Variants in PMFBP1 observed in about 807,000 individuals in gnomAD.
The protein encoded by PMFBP1 is polyamine modulated factor 1 binding protein 1.
In PMFBP1, 131 loss-of-function variants were observed where a neutral mutation model predicts 137.8. The ratio of observed to expected loss-of-function variants is 0.95; its 90% confidence interval spans 0.82 to 1.10. PMFBP1 has a LOEUF of 1.10. Ranked by LOEUF, PMFBP1 falls within the 50% of genes least tolerant of loss-of-function variation. The pLI is 0.00. For missense variants in PMFBP1, 1,199 were observed against 1,175.4 expected, an observed-to-expected ratio of 1.02 and a Z score of -0.29; for synonymous variants, 490 against 450.4, an observed-to-expected ratio of 1.09 and a Z score of -1.11.
the PMFBP1 span, among the ~76,000 whole-genome samples, chr16:72,229,858 G>T: frequency 6.6e-6 from 1 of 152,110 alleles, no homozygotes; most frequent in Admixed American, 6.6e-5. Context: ...TGCGGTGCCT[G>T]ATTTGAGATA....
chr16:72,117,727 GTGT>G (rs35942401), downstream of PMFBP1, among the ~76,000 whole-genome samples: 53,181 of 151,906 alleles, frequency 0.35, 9,434 homozygotes, highest in Middle Eastern at 0.47. Flanking sequence ...TCATAAAAGA[GTGT>G]TGTTGTAACC....
chr16:72,165,612 G>T (rs889181674), intron 2 of PMFBP1, among the ~76,000 whole-genome samples: 2 of 151,968 alleles, frequency 1.3e-5, no homozygotes, highest in Non-Finnish European at 2.9e-5. Flanking sequence ...TAGAGACAGG[G>T]TTTCACAGTT....
chr16:72,235,004 C>T, the PMFBP1 span, among the ~76,000 whole-genome samples: 1 of 152,032 alleles, frequency 6.6e-6, no homozygotes, highest in African/African-American at 2.4e-5. Flanking sequence ...GTACTTTCAC[C>T]TTCTTGATGG....
upstream of PMFBP1, among the ~76,000 whole-genome samples, chr16:72,179,128 G>A (rs189372946): frequency 2.0e-5 from 3 of 152,140 alleles, no homozygotes; most frequent in Admixed American, 2.0e-4. Context: ...CAACAAAAAA[G>A]TCAAGGACTT....
the PMFBP1 span, among the ~76,000 whole-genome samples, chr16:72,200,677 G>A: frequency 3.9e-5 from 6 of 152,306 alleles, no homozygotes; most frequent in East Asian, 5.8e-4. Flanking sequence ...TATTATGTTC[G>A]TTAATCTATA....
At position 72,125,401 on chromosome 16, in the gene PMFBP1, T is replaced by C. The variant is rs1259299961; in HGVS notation, c.2258A>G (p.Asn753Ser). ...DDLTQALEKL[N>S]HVTSETKSLQ... ...GCTCTTTGTCTCTGAGGTCACGTGA[T>C]TGAGCTTCCGGAAAAGACAAAGAGG... Residue 753 changes from asparagine (N) to serine (S), a missense_variant, in exon 16 of 21, where the codon AAT becomes AGT. Transcript: ENST00000237353. 10 of 1,608,688 alleles carry C rather than the reference T, an allele frequency of 6.2e-6. No homozygotes were observed. The highest frequency in any genetic ancestry group is 4.0e-5 in the African/African-American group (3 of 74,160).
At position 72,130,363 on chromosome 16, in the gene PMFBP1, G is replaced by C. The variant is rs755640334; in HGVS notation, c.1638-6C>G. 2.0e-5 allele frequency: 32 copies of C among 1,614,008 alleles called. No individual in the cohort carries two copies. The highest frequency in any genetic ancestry group is 2.6e-5 in the Non-Finnish European group (31 of 1,180,006). On this transcript the variant is annotated splice_polypyrimidine_tract_variant and splice_region_variant and intron_variant, in intron 11 of 20. Transcript: ENST00000237353. ...ACAGCTCCTCCACCCGTTTTCTAAA[G>C]CAAAATAACAGCCACAGGAGGACAG...
intron 3 of PMFBP1, chr16:72,164,430 C>T (rs1482975327): frequency 7.5e-7 from 1 of 1,333,874 alleles, no homozygotes; most frequent in Non-Finnish European, 9.8e-7. Flanking sequence ...GTCTGAGATC[C>T]ATAGCAGACG....
chr16:72,131,470 T>C (rs146389551), intron 10 of PMFBP1, among the ~76,000 whole-genome samples: 28 of 152,300 alleles, frequency 1.8e-4, no homozygotes, highest in African/African-American at 6.3e-4. Flanking sequence ...TCCAGCAATA[T>C]CCTTCTAGCC....
the PMFBP1 span, among the ~76,000 whole-genome samples, chr16:72,239,619 C>T: frequency 2.6e-5 from 4 of 151,862 alleles, no homozygotes; most frequent in East Asian, 1.9e-4. Context: ...GTTGGCTGGG[C>T]GCAGTGGCTT....
intron 15 of PMFBP1, 121 bp downstream of exon 15, chr16:72,125,847 A>G (rs1389354449): frequency 7.9e-7 from 1 of 1,261,384 alleles, no homozygotes. Flanking sequence ...CAGCCCACAC[A>G]AGGGTTTGAG....
intron 3 of PMFBP1, among the ~76,000 whole-genome samples, chr16:72,160,662 G>C (rs1026779899): frequency 2.6e-5 from 4 of 151,296 alleles, no homozygotes; most frequent in African/African-American, 9.7e-5. Context: ...CTTAAGACTT[G>C]GATACATCAA....
In PMFBP1 at chr16:72,119,303, C is replaced by T. The variant is rs184474711; in HGVS notation, c.*35G>A. On this transcript the variant is annotated 3_prime_UTR_variant, in exon 21 of 21. Transcript: ENST00000237353. ...GAACTCACTGTCCTCTGAAGAAACA[C>T]CCGTGGAAATGCTGCTCAGGGCTAG... 1.0e-3 allele frequency: 1,611 copies of T among 1,605,766 alleles called. 2 individuals carry two copies. Among genetic ancestry groups the T allele is most frequent in the Non-Finnish European group, 1.3e-3 (1,512 of 1,172,476 alleles).
intron 5 of PMFBP1, among the ~76,000 whole-genome samples, chr16:72,145,369 C>T (rs1361274101): frequency 6.6e-6 from 1 of 152,118 alleles, no homozygotes; most frequent in Non-Finnish European, 1.5e-5. Flanking sequence ...ATCTCTGGGA[C>T]ACATTTAAAG....
the PMFBP1 span, among the ~76,000 whole-genome samples, chr16:72,199,775 T>C: frequency 2.0e-5 from 3 of 151,156 alleles, no homozygotes; most frequent in East Asian, 2.0e-4. Context: ...GAGGGGGGAA[T>C]GTAGTTGCAA....
At chr16:72,161,201 G>A (rs370795812) in intron 3 of PMFBP1, among the ~76,000 whole-genome samples, 3 of 150,618 alleles carry the variant, frequency 2.0e-5, no homozygotes, top group African/African-American at 4.9e-5. Context: ...GGATTCAAGC[G>A]ATTTTCTTGC....
chr16:72,244,207 A>C, the PMFBP1 span, among the ~76,000 whole-genome samples: 1 of 152,286 alleles, frequency 6.6e-6, no homozygotes, highest in South Asian at 2.1e-4. Context: ...TCAAATGAAA[A>C]ATACTTATTA....
intron 5 of PMFBP1, among the ~76,000 whole-genome samples, chr16:72,144,015 T>A (rs1368894237): frequency 1.3e-5 from 2 of 152,010 alleles, no homozygotes; most frequent in African/African-American, 2.4e-5. Flanking sequence ...CACTCCAGCC[T>A]GGGCAACAAG....
At chr16:72,205,174 G>A in the PMFBP1 span, among the ~76,000 whole-genome samples, 19,116 of 152,220 alleles carry the variant, frequency 0.13, 2,022 homozygotes, top group African/African-American at 0.29. Flanking sequence ...AGCTTCATGG[G>A]GAGGCTTTAA....
Sources: allele counts gnomAD v4.1 joint callset (sites outside exome capture counted in the v4.1 genomes callset), GRCh38; gene constraint gnomAD v4.1.1; transcripts MANE v1.5; gene names NCBI Gene and HGNC (gene_info 2026-07-23, HGNC 2026-07-21).